Variants in YES1 observed in about 807,000 individuals in gnomAD.
YES1 encodes the protein tyrosine-protein kinase Yes.
A neutral mutation model predicts 70.4 loss-of-function variants in YES1; 39 were observed. That is an observed-to-expected ratio of 0.55 (90% confidence interval 0.43 to 0.72). YES1 has a LOEUF of 0.72. Among genes scored for constraint, YES1 ranks in the 30% least tolerant of loss-of-function variants. The pLI, the probability that YES1 is intolerant of heterozygous loss-of-function variation, is 0.00. For missense variants in YES1, 495 were observed against 644.8 expected, an observed-to-expected ratio of 0.77 and a Z score of 2.52; for synonymous variants, 198 against 218.6, an observed-to-expected ratio of 0.91 and a Z score of 0.83.
In YES1 at chr18:742,720, T is replaced by C. The variant is rs115564298; in HGVS notation, c.1060+198A>G. On this transcript the variant is annotated intron_variant, in intron 8 of 11. Coordinates refer to ENST00000314574, the MANE Select transcript of YES1 (RefSeq NM_005433.4). ...TCAAAATTAATTCAGCCTGCCTACT[T>C]TTCCTTTTAAACGTCATACTATCCT... Among the ~76,000 whole-genome samples the C allele has an allele frequency of 1.5e-3, 233 of 152,324 alleles. 1 individual carries two copies. Among genetic ancestry groups the C allele is most frequent in the African/African-American group, 5.2e-3 (218 of 41,578 alleles).
intron 1 of YES1, among the ~76,000 whole-genome samples, chr18:800,272 CA>C (rs1906753313): frequency 6.6e-6 from 1 of 152,184 alleles, no homozygotes; most frequent in Non-Finnish European, 1.5e-5. Flanking sequence ...TTCCTACAAT[CA>C]AAAATATTTA....
chr18:742,808 T>C, intron 8 of YES1, 110 bp downstream of exon 8: 1 of 805,192 alleles, frequency 1.2e-6, no homozygotes, highest in South Asian at 3.9e-5. Flanking sequence ...TATCCAAATA[T>C]GTCTACATAA....
chr18:804,229 A>G (rs1007970058), intron 1 of YES1, among the ~76,000 whole-genome samples: 2 of 152,226 alleles, frequency 1.3e-5, no homozygotes, highest in African/African-American at 4.8e-5. Context: ...CAAAGTTTTT[A>G]TTCAAATAGC....
rs2079974102 is a variant in YES1, at chr18:722,953, G to GCA, written c.*1470_*1471insTG. ...TAAAAATACAAAAAACTAGCCAGGC[G>GCA]TGGTGGTGGGCACCTGTAGTCCCAG... On this transcript the variant is annotated 3_prime_UTR_variant, in exon 12 of 12. Coordinates refer to ENST00000314574, the MANE Select transcript of YES1 (RefSeq NM_005433.4). 6.6e-6 allele frequency: 1 copy of GCA among 152,288 alleles called. No individual in the cohort carries two copies. The highest frequency in any genetic ancestry group is 1.5e-5 in the Non-Finnish European group (1 of 68,136). The allele number at this position is 152,288 out of a possible 1,614,324, so 9.4% of individuals were successfully genotyped here.
chr18:757,317 C>A (rs540505197), intron 1 of YES1, among the ~76,000 whole-genome samples: 11 of 151,434 alleles, frequency 7.3e-5, no homozygotes, highest in East Asian at 1.9e-4. Context: ...TCCTGGCTAA[C>A]ACGGTGAAAC....
In YES1 at chr18:804,913, C is replaced by CAAAAAAAAACA. The variant is rs1555692643; in HGVS notation, c.-9+7200_-9+7201insTGTTTTTTTTT. On this transcript the variant is annotated intron_variant, in intron 1 of 11. Coordinates refer to ENST00000314574, the MANE Select transcript of YES1 (RefSeq NM_005433.4). ...TGGGCGACAGAGTGAGACTCTGACT[C>CAAAAAAAAACA]AAAAAAAAAAAACACAAACCAAAAA... 4.2e-5 allele frequency among the ~76,000 whole-genome samples: 4 copies of CAAAAAAAAACA among 94,126 alleles called. 1 individual carries two copies. The highest frequency in any genetic ancestry group is 2.0e-4 in the African/African-American group (4 of 20,502). The allele number at this position is 94,126 out of a possible 152,430, so 61.8% of individuals were successfully genotyped here.
At chr18:744,396 T>C (rs2080253473) in intron 6 of YES1, among the ~76,000 whole-genome samples, 1 of 148,528 alleles carries the variant, frequency 6.7e-6, no homozygotes, top group Admixed American at 6.7e-5. Context: ...GATTTTTTCT[T>C]TTTTTTTTTT....
chr18:775,443 A>G (rs1256012701), intron 1 of YES1, among the ~76,000 whole-genome samples: 1 of 152,104 alleles, frequency 6.6e-6, no homozygotes, highest in African/African-American at 2.4e-5. Context: ...GTTCCTCTTA[A>G]CCATTACCTT....
At chr18:772,849 G>A (rs1196914708) in intron 1 of YES1, among the ~76,000 whole-genome samples, 3 of 152,164 alleles carry the variant, frequency 2.0e-5, no homozygotes, top group Non-Finnish European at 4.4e-5. Context: ...TTTGTGGTCT[G>A]CTCCAGGTTC....
intron 2 of YES1, among the ~76,000 whole-genome samples, chr18:754,656 G>A (rs1209276351): frequency 2.0e-5 from 3 of 150,080 alleles, no homozygotes; most frequent in African/African-American, 7.4e-5. Context: ...AGGTTGCAGT[G>A]AGCCAAGACT....
chr18:782,046 T>G (rs1410074528), intron 1 of YES1, among the ~76,000 whole-genome samples: 3 of 152,162 alleles, frequency 2.0e-5, no homozygotes, highest in Admixed American at 2.0e-4. Flanking sequence ...TCTCCTGGTC[T>G]TTCCATCACT....
Position 722,147 on chromosome 18 carries a change from C to A in YES1, c.*2277G>T, listed in dbSNP as rs1225023579. 1 of 152,610 alleles carries A rather than the reference C, an allele frequency of 6.6e-6. No homozygotes were observed. Among genetic ancestry groups the A allele is most frequent in the Non-Finnish European group, 1.5e-5 (1 of 68,046 alleles). The allele number at this position is 152,610 out of a possible 1,614,324, so 9.5% of individuals were successfully genotyped here. On this transcript the variant is annotated 3_prime_UTR_variant, in exon 12 of 12. Coordinates refer to ENST00000314574, the MANE Select transcript of YES1 (RefSeq NM_005433.4). ...TTAGTACATAAACGTAATTTTGTCA[C>A]CCTTTTGAATATGCTTAGAAAAATT...
chr18:764,705 T>G (rs560448718), intron 1 of YES1, among the ~76,000 whole-genome samples: 1 of 152,268 alleles, frequency 6.6e-6, no homozygotes, highest in African/African-American at 2.4e-5. Flanking sequence ...TAAACAAAAA[T>G]AGTTTCATAA....
intron 1 of YES1, among the ~76,000 whole-genome samples, chr18:795,919 A>C (rs1906521838): frequency 6.6e-6 from 1 of 151,444 alleles, no homozygotes; most frequent in Admixed American, 6.6e-5. Flanking sequence ...TTAAACACAC[A>C]CACACACACA....
At chr18:796,466 T>C (rs1375367268) in intron 1 of YES1, among the ~76,000 whole-genome samples, 2 of 152,174 alleles carry the variant, frequency 1.3e-5, no homozygotes, top group East Asian at 3.8e-4. Context: ...CTATTTGGTA[T>C]TGGCATAGAA....
intron 1 of YES1, among the ~76,000 whole-genome samples, chr18:767,219 G>A (rs1904953755): frequency 6.6e-6 from 1 of 152,084 alleles, no homozygotes; most frequent in Non-Finnish European, 1.5e-5. Context: ...ACATGATAAT[G>A]GGTCACTGAA....
intron 1 of YES1, among the ~76,000 whole-genome samples, chr18:801,572 T>G (rs919314793): frequency 3.9e-5 from 6 of 152,212 alleles, no homozygotes; most frequent in African/African-American, 1.4e-4. Context: ...TCCATCTATT[T>G]CTACTAACTC....
intron 11 of YES1, among the ~76,000 whole-genome samples, chr18:731,507 T>A (rs1318506805): frequency 6.6e-6 from 1 of 152,294 alleles, no homozygotes; most frequent in African/African-American, 2.4e-5. Context: ...GCAAAACCCA[T>A]AAGATTAGCA....
intron 1 of YES1, among the ~76,000 whole-genome samples, chr18:794,563 A>G (rs181834401): frequency 2.0e-5 from 3 of 152,144 alleles, no homozygotes; most frequent in East Asian, 1.9e-4. Flanking sequence ...GCTGCTGTAG[A>G]AAAAAAATGG....
Sources: gnomAD v4.1 joint callset for allele counts (sites outside exome capture counted in the v4.1 genomes callset) on GRCh38, gnomAD v4.1.1 for gene constraint, MANE v1.5 for transcripts, NCBI Gene and HGNC (gene_info 2026-07-23, HGNC 2026-07-21) for gene names.